CYP2F1: variants seen among roughly 807,000 people sequenced by gnomAD.
CYP2F1 encodes the protein cytochrome P450 family 2 subfamily F member 1.
Under a neutral mutation model 40.4 loss-of-function variants are expected in CYP2F1, and 33 were observed. That is an observed-to-expected ratio of 0.82 (90% CI 0.62 to 1.09). CYP2F1 has a LOEUF of 1.09. CYP2F1 is among the 50% of genes least tolerant of loss of function. The pLI is 0.00. For missense variants in CYP2F1, 566 were observed against 655.7 expected (o/e 0.86, Z 1.49); for synonymous variants, 235 against 277.2 (o/e 0.85, Z 1.51).
chr19:41,122,506 A>G (rs1344578321), intron 6 of CYP2F1, among the ~76,000 whole-genome samples: 2 of 151,830 alleles, frequency 1.3e-5, no homozygotes, highest in Non-Finnish European at 2.9e-5. Context: ...ACACACATAC[A>G]TACATACATA....
Position 41,121,986 on chromosome 19 carries a change from C to T in CYP2F1, c.675C>T (p.Asp225=), listed in dbSNP as rs777180276. The T allele has an allele frequency of 5.0e-6, 8 of 1,613,374 alleles. No individual in the cohort carries two copies. The Admixed American group carries it at 1.2e-4, about 24-fold the overall frequency. Residue 225 remains aspartate, a synonymous_variant, in exon 6 of 10, where the codon GAC becomes GAT. Coordinates refer to ENST00000331105, the MANE Select transcript of CYP2F1 (RefSeq NM_000774.5). ...ELYDIFPSLL[D]WVPGPHQRIF... is the part of the protein sequence containing the mutation. ...ACGACATCTTCCCGAGCCTCCTGGA[C>T]TGGGTGCCTGGGCCGCACCAACGCA...
At chr19:41,122,992 G>A (rs372508830) in intron 7 of CYP2F1, 29 bp downstream of exon 7, 3 of 1,600,444 alleles carry the variant, frequency 1.9e-6, no homozygotes, top group Non-Finnish European at 2.6e-6. Flanking sequence ...GCAGCGTGGA[G>A]GTGCCCATGT....
intron 3 of CYP2F1, among the ~76,000 whole-genome samples, 194 bp from the exon 4 acceptor site, chr19:41,120,153 G>A (rs758273820): frequency 6.6e-6 from 1 of 152,054 alleles, no homozygotes; most frequent in Non-Finnish European, 1.5e-5. Context: ...TAGGATGGTC[G>A]TGAGGGAAGC....
rs2287941 is a variant in CYP2F1, at chr19:41,121,496, G to C, written c.523G>C (p.Val175Leu). The change falls in exon 5 of 10, where the codon GTG becomes CTG. Residue 175 changes from valine (V) to leucine (L), a missense_variant. This residue lies in a region of CYP2F1 where 264 missense variants were observed against 275.7 expected (regional missense o/e 0.96). Coordinates refer to ENST00000331105, the MANE Select transcript of CYP2F1 (RefSeq NM_000774.5). Reference sequence around the variant, plus strand: ...CCCCACGTTTGTGCTGAGTCGCTCAGTGTCCAACATTATCTGTTCCGTGCT... The same window carrying C: ...CCCCACGTTTGTGCTGAGTCGCTCACTGTCCAACATTATCTGTTCCGTGCT... ...FDPTFVLSRS[V>L]SNIICSVLFG... 3.2e-3 allele frequency: 5,166 copies of C among 1,608,030 alleles called. 533 individuals carry two copies. The African/African-American group carries it at 0.06, about 19-fold the overall frequency.
chr19:41,115,956 C>G (rs1177541942), intron 1 of CYP2F1, among the ~76,000 whole-genome samples: 2 of 152,012 alleles, frequency 1.3e-5, no homozygotes, highest in Non-Finnish European at 2.9e-5. Context: ...ACTTGCCTCT[C>G]TCCATTTATG....
intron 7 of CYP2F1, chr19:41,123,257 G>T: frequency 6.0e-6 from 3 of 501,148 alleles, no homozygotes; most frequent in Non-Finnish European, 1.2e-5. Context: ...GAGTGCAGTG[G>T]CGTGATCTCG....
Position 41,124,858 on chromosome 19 carries a change from G to C in CYP2F1, c.1104G>C (p.Pro368=), listed in dbSNP as rs141890168. The part of the protein sequence containing the change: ...RFADIIPMNL[P]HRVTRDTAFR... ...CAGACATCATCCCCATGAACTTGCCGCACCGCGTCACTAGGGACACGGCCT... is the reference window on the plus strand; with the variant it reads ...CAGACATCATCCCCATGAACTTGCCCCACCGCGTCACTAGGGACACGGCCT... Residue 368 remains proline, a synonymous_variant, in exon 8 of 10, where the codon CCG becomes CCC. Transcript: ENST00000331105. 4 of 1,610,674 alleles carry C rather than the reference G, an allele frequency of 2.5e-6. No individual in the cohort carries two copies. In the South Asian group the frequency reaches 3.3e-5, roughly 13 times the overall value.
rs761318764 is a variant in CYP2F1, at chr19:41,128,051, G to A, written c.1445G>A (p.Arg482Gln). 5 of 1,609,906 alleles carry A rather than the reference G, an allele frequency of 3.1e-6. No homozygotes were observed. The highest frequency in any genetic ancestry group is 1.1e-5 in the South Asian group (1 of 90,940). ...AGCTCAGGTCTTGGCAATTTGCCGC[G>A]GCCTTTCCAGCTGTGCCTGCGCCCG... ...PLSSGLGNLP[R>Q]PFQLCLRPR The change falls in exon 10 of 10, where the codon CGG (arginine) becomes CAG (glutamine). Residue 482 changes from arginine to glutamine, a missense_variant. Physicochemically the swap from Arg to Gln is conservative, Grantham distance 43 (BLOSUM62 1). Around this residue, in one of 5 missense-constraint regions of CYP2F1, gnomAD observed 85 missense variants for 84.9 expected, o/e 1.00. Coordinates refer to ENST00000331105, the MANE Select transcript of CYP2F1 (RefSeq NM_000774.5).
intron 1 of CYP2F1, among the ~76,000 whole-genome samples, chr19:41,115,134 CCT>C (rs920726656): frequency 1.2e-4 from 18 of 150,480 alleles, no homozygotes; most frequent in African/African-American, 4.4e-4. Flanking sequence ...ATATTCCCTG[CCT>C]CTCTTATTCT....
At chr19:41,123,079 T>A in intron 7 of CYP2F1, 116 bp downstream of exon 7, 3 of 1,250,866 alleles carry the variant, frequency 2.4e-6, no homozygotes, top group Non-Finnish European at 3.4e-6. Flanking sequence ...GGCACCAGGA[T>A]TCCACAGCCA....
chr19:41,125,494 G>T lies in CYP2F1; in HGVS notation c.1154G>T (p.Gly385Val), dbSNP rs2032498496. Reference protein sequence around the residue: ...TAFRGFLIPKGTDVITLLNTV... With the variant: ...TAFRGFLIPKVTDVITLLNTV... ...AAGTCCACCTCCTCACCCACACAGGGCACCGATGTCATCACCCTCCTTAAC... is the reference window on the plus strand; with the variant it reads ...AAGTCCACCTCCTCACCCACACAGGTCACCGATGTCATCACCCTCCTTAAC... Residue 385 changes from glycine (G) to valine (V), a missense_variant and splice_region_variant, in exon 9 of 10, where the codon GGC (glycine) becomes GTC (valine). Coordinates refer to ENST00000331105, the MANE Select transcript of CYP2F1 (RefSeq NM_000774.5). 1.4e-6 allele frequency: 2 copies of T among 1,474,964 alleles called. No individual in the cohort carries two copies. The highest frequency in any genetic ancestry group is 1.5e-5 in the African/African-American group (1 of 68,806). The allele number at this position is 1,474,964 out of a possible 1,614,324, so 91.4% of individuals were successfully genotyped here.
intron 7 of CYP2F1, among the ~76,000 whole-genome samples, chr19:41,124,212 A>C (rs1889390596): frequency 8.1e-6 from 1 of 124,170 alleles, no homozygotes; most frequent in Non-Finnish European, 1.6e-5. Flanking sequence ...ACTTCCTCCC[A>C]GACCCTGGCT....
At chr19:41,121,376 G>A in intron 4 of CYP2F1, 82 bp from the exon 5 acceptor site, 3 of 1,388,492 alleles carry the variant, frequency 2.2e-6, no homozygotes, top group Non-Finnish European at 9.9e-7. Flanking sequence ...GTCGGATGTT[G>A]TACAAATTAA....
intron 9 of CYP2F1, among the ~76,000 whole-genome samples, chr19:41,127,443 C>A (rs921776821): frequency 6.6e-6 from 1 of 152,090 alleles, no homozygotes; most frequent in African/African-American, 2.4e-5. Context: ...TCAAGTGATC[C>A]CCTCGCCTCA....
chr19:41,119,718 T>TCTCTCTCTCTCTCC (rs1232964291), intron 3 of CYP2F1, among the ~76,000 whole-genome samples: 1 of 37,010 alleles, frequency 2.7e-5, no homozygotes, highest in African/African-American at 9.3e-5. Flanking sequence ...TCTCTCTCTC[T>TCTCTCTCTCTCTCC]CTCTCTATAT....
chr19:41,128,041 A>C lies in CYP2F1; in HGVS notation c.1435A>C (p.Asn479His), dbSNP rs79238130. Residue 479 changes from asparagine to histidine, a missense_variant, in exon 10 of 10, where the codon AAT becomes CAT. Physicochemically the swap from Asn to His is moderately conservative, Grantham distance 68. Transcript: ENST00000331105. ...DLTPLSSGLG[N>H]LPRPFQLCLR... is the part of the protein sequence containing the mutation. ...GACCCCACTCAGCTCAGGTCTTGGCAATTTGCCGCGGCCTTTCCAGCTGTG... is the reference window on the plus strand; with the variant it reads ...GACCCCACTCAGCTCAGGTCTTGGCCATTTGCCGCGGCCTTTCCAGCTGTG... The C allele has an allele frequency of 1.6e-3, 2,497 of 1,610,742 alleles. 67 individuals carry two copies. In the East Asian group the frequency reaches 0.052, roughly 34 times the overall value.
chr19:41,127,902 G>A lies in CYP2F1; in HGVS notation c.1296G>A (p.Gly432=). ...KSPAFMPFSA[G]RRLCLGESLA... is the part of the protein sequence containing the mutation. ...CTCCCCATCCTGCCACCCCTGCAGG[G>A]CGCCGTCTGTGCCTGGGAGAGTCGC... is the stretch of plus-strand genomic sequence containing the variant. Residue 432 remains glycine (G), a splice_region_variant and synonymous_variant, in exon 10 of 10, where the codon GGG becomes GGA. Transcript: ENST00000331105. The A allele has an allele frequency of 6.2e-7, 1 of 1,610,776 alleles. No individual in the cohort carries two copies. The highest frequency in any genetic ancestry group is 8.5e-7 in the Non-Finnish European group (1 of 1,178,662).
At chr19:41,117,830 C>A (rs1318089830) in intron 3 of CYP2F1, among the ~76,000 whole-genome samples, 1 of 149,564 alleles carries the variant, frequency 6.7e-6, no homozygotes, top group African/African-American at 2.5e-5. Context: ...GGTCTTCAAA[C>A]TTTATTTATT....
intron 3 of CYP2F1, 79 bp downstream of exon 3, chr19:41,116,696 C>A: frequency 6.7e-7 from 1 of 1,503,606 alleles, no homozygotes; most frequent in South Asian, 1.2e-5. Context: ...ACTGTTGTCT[C>A]AATCTTGTTG....
Sources: allele counts gnomAD v4.1 joint callset (sites outside exome capture counted in the v4.1 genomes callset), GRCh38; gene constraint gnomAD v4.1.1; regional missense constraint gnomAD v4.1.1; transcripts MANE v1.5; gene names NCBI Gene and HGNC (gene_info 2026-07-23, HGNC 2026-07-21).